ABCA13: variants seen among roughly 807,000 people sequenced by gnomAD.
The protein encoded by ABCA13 is ATP binding cassette subfamily A member 13.
ABCA13 carries 476 observed loss-of-function variants against 478.7 expected under a neutral mutation model. The observed-to-expected ratio is 0.99, with a 90% CI of 0.92 to 1.07. The LOEUF (loss-of-function observed/expected upper bound fraction) is 1.07. Among genes scored for constraint, ABCA13 ranks in the 50% least tolerant of loss-of-function variants. The pLI, the probability that ABCA13 is intolerant of heterozygous loss-of-function variation, is 0.00. For missense variants in ABCA13, 6,060 were observed against 5,910.6 expected, an observed-to-expected ratio of 1.03 and a Z score of -0.83; for synonymous variants, 2,252 against 2,158.9, an observed-to-expected ratio of 1.04 and a Z score of -1.20.
intron 54 of ABCA13, among the ~76,000 whole-genome samples, chr7:48,525,887 C>A (rs1489657106): frequency 6.6e-6 from 1 of 151,978 alleles, no homozygotes; most frequent in Non-Finnish European, 1.5e-5. Context: ...CTGATGCTCT[C>A]CCTCCCACCA....
At chr7:48,354,704 A>T (rs2128990902) in intron 31 of ABCA13, among the ~76,000 whole-genome samples, 1 of 152,186 alleles carries the variant, frequency 6.6e-6, no homozygotes, top group South Asian at 2.1e-4. Context: ...AAGTATTTTA[A>T]TTCTCTGAAA....
intron 59 of ABCA13, among the ~76,000 whole-genome samples, chr7:48,618,772 C>T (rs1382291734): frequency 1.3e-5 from 2 of 152,098 alleles, no homozygotes; most frequent in African/African-American, 4.8e-5. Flanking sequence ...TGGATTGTGG[C>T]TTAACATGTG....
chr7:48,341,806 T>TTTTCTGATATATATATATATATC (rs1807208772), intron 29 of ABCA13, among the ~76,000 whole-genome samples: 2 of 142,160 alleles, frequency 1.4e-5, no homozygotes, highest in African/African-American at 2.5e-5. Flanking sequence ...TCTTCTTTTC[T>TTTTCTGATATATATATATATATC]TTTCTGATAT....
At position 48,550,853 on chromosome 7, in the gene ABCA13, G is replaced by A. The variant is rs143836031; in HGVS notation, c.14354+22508G>A. On this transcript the variant is annotated intron_variant, in intron 55 of 61. Coordinates refer to ENST00000435803, the MANE Select transcript of ABCA13 (RefSeq NM_152701.5). ...CAGTGTGCACCAACTGTCATCCCAG[G>A]CAGATACTGTTTTTAATAATTTTAC... Among the ~76,000 whole-genome samples, 10 of 151,370 alleles carry A rather than the reference G, an allele frequency of 6.6e-5. No individual in the cohort carries two copies. The East Asian group carries it at 1.9e-3, about 29-fold the overall frequency.
chr7:48,374,012 A>G (rs1813065120), intron 33 of ABCA13, among the ~76,000 whole-genome samples: 1 of 152,204 alleles, frequency 6.6e-6, no homozygotes, highest in Non-Finnish European at 1.5e-5. Context: ...CTTAATAATA[A>G]AAAATAGTAA....
intron 59 of ABCA13, among the ~76,000 whole-genome samples, chr7:48,639,458 C>T (rs1794940434): frequency 6.6e-6 from 1 of 152,132 alleles, no homozygotes; most frequent in Admixed American, 6.5e-5. Context: ...CAGCGGGGAC[C>T]CCATATTCCA....
chr7:48,491,883 T>A (rs999267764), intron 48 of ABCA13, among the ~76,000 whole-genome samples: 3 of 152,156 alleles, frequency 2.0e-5, no homozygotes, highest in African/African-American at 7.2e-5. Flanking sequence ...GTAAATCCCA[T>A]GAAAACAGAA....
intron 15 of ABCA13, among the ~76,000 whole-genome samples, chr7:48,250,147 A>C (rs1162849344): frequency 2.0e-5 from 3 of 152,194 alleles, no homozygotes; most frequent in Non-Finnish European, 4.4e-5. Context: ...ATTTAGGAAC[A>C]GTAGATGGAA....
chr7:48,369,359 TA>T (rs1409220736), intron 32 of ABCA13, among the ~76,000 whole-genome samples: 1 of 152,194 alleles, frequency 6.6e-6, no homozygotes, highest in Non-Finnish European at 1.5e-5. Context: ...CTCTGCTGAT[TA>T]TTTCTTTTGC....
intron 59 of ABCA13, among the ~76,000 whole-genome samples, chr7:48,638,193 T>C (rs1304392732): frequency 6.6e-6 from 1 of 152,190 alleles, no homozygotes; most frequent in Non-Finnish European, 1.5e-5. Context: ...GAGTTTGATA[T>C]TGAGTCAGAG....
At chr7:48,519,250 GC>G (rs1457329418) in intron 52 of ABCA13, among the ~76,000 whole-genome samples, 1 of 152,114 alleles carries the variant, frequency 6.6e-6, no homozygotes, top group Non-Finnish European at 1.5e-5. Context: ...TGTGAATAGT[GC>G]TGCAGTGAAC....
chr7:48,630,947 A>G (rs1208245088), intron 59 of ABCA13, among the ~76,000 whole-genome samples: 1 of 151,166 alleles, frequency 6.6e-6, no homozygotes, highest in Non-Finnish European at 1.5e-5. Context: ...TTGGCTGCTT[A>G]TAGATCTTCT....
chr7:48,254,418 C>G (rs1209295540), intron 15 of ABCA13, among the ~76,000 whole-genome samples: 2 of 152,064 alleles, frequency 1.3e-5, no homozygotes, highest in African/African-American at 4.8e-5. Flanking sequence ...CTTATACCAC[C>G]ATTTGCAGCT....
At chr7:48,363,503 T>C (rs1042915590) in intron 31 of ABCA13, among the ~76,000 whole-genome samples, 2 of 151,630 alleles carry the variant, frequency 1.3e-5, no homozygotes, top group Non-Finnish European at 2.9e-5. Flanking sequence ...ATGGAGACTC[T>C]TGATGTATTC....
chr7:48,472,933 T>C (rs1827666076), intron 45 of ABCA13, among the ~76,000 whole-genome samples: 1 of 152,158 alleles, frequency 6.6e-6, no homozygotes, highest in African/African-American at 2.4e-5. Context: ...ACTGGGCAAT[T>C]AACAGAAGAA....
chr7:48,364,190 CAT>C (rs1169943329), intron 31 of ABCA13, among the ~76,000 whole-genome samples: 2 of 152,124 alleles, frequency 1.3e-5, no homozygotes, highest in African/African-American at 2.4e-5. Flanking sequence ...TTCCTGAAAA[CAT>C]ATGGATTTCT....
At chr7:48,234,658 C>T (rs11982920) in intron 8 of ABCA13, among the ~76,000 whole-genome samples, 3,510 of 152,286 alleles carry the variant, frequency 0.023, 138 homozygotes, top group African/African-American at 0.08. Flanking sequence ...GATGATCGAT[C>T]CCCAAGACCC....
intron 27 of ABCA13, among the ~76,000 whole-genome samples, chr7:48,322,632 C>T (rs182072882): frequency 6.6e-6 from 1 of 152,336 alleles, no homozygotes; most frequent in East Asian, 1.9e-4. Flanking sequence ...CTGTCTTTCT[C>T]TTGCCTTTGT....
At chr7:48,394,510 C>T (rs547148896) in intron 38 of ABCA13, among the ~76,000 whole-genome samples, 19 of 152,328 alleles carry the variant, frequency 1.2e-4, no homozygotes, top group South Asian at 1.0e-3. Context: ...CCTGAGTCCC[C>T]TCTATTTCTC....
Sources: gnomAD v4.1 joint callset for allele counts (sites outside exome capture counted in the v4.1 genomes callset) on GRCh38, gnomAD v4.1.1 for gene constraint, MANE v1.5 for transcripts, NCBI Gene and HGNC (gene_info 2026-07-23, HGNC 2026-07-21) for gene names.